Variants in ACTL8 observed in about 807,000 individuals in gnomAD.
ACTL8 encodes actin like 8, also known as actin-like protein 8.
In ACTL8, 3 loss-of-function variants were observed where a neutral mutation model predicts 9.3. The observed-to-expected ratio is 0.32, with a 90% confidence interval of 0.15 to 0.83. The LOEUF (loss-of-function observed/expected upper bound fraction) is 0.83. Among genes scored for constraint, ACTL8 ranks in the 40% least tolerant of loss-of-function variants. The pLI, the probability that ACTL8 is intolerant of heterozygous loss-of-function variation, is 0.57. For missense variants in ACTL8, 381 were observed against 492.2 expected (o/e 0.77, Z 2.14); for synonymous variants, 224 against 205.9 (o/e 1.09, Z -0.75).
intron 1 of ACTL8, among the ~76,000 whole-genome samples, chr1:17,800,012 T>C (rs1479049901): frequency 6.6e-6 from 1 of 152,234 alleles, no homozygotes; most frequent in Non-Finnish European, 1.5e-5. Context: ...CATCTCTTAA[T>C]GCCTCGGAGG....
At chr1:17,773,077 G>A (rs976517749) in intron 1 of ACTL8, among the ~76,000 whole-genome samples, 2 of 152,200 alleles carry the variant, frequency 1.3e-5, no homozygotes, top group Non-Finnish European at 2.9e-5. Flanking sequence ...GGACACTGTC[G>A]ACGTAATCCT....
At chr1:17,762,127 C>T (rs919978240) in intron 1 of ACTL8, among the ~76,000 whole-genome samples, 6 of 151,884 alleles carry the variant, frequency 4.0e-5, no homozygotes, top group African/African-American at 1.5e-4. Flanking sequence ...TGGGGAGAGC[C>T]GTGAGATGGT....
chr1:17,785,058 G>A (rs978828492), intron 1 of ACTL8, among the ~76,000 whole-genome samples: 4 of 151,086 alleles, frequency 2.6e-5, no homozygotes, highest in African/African-American at 9.8e-5. Flanking sequence ...TCACTATCAC[G>A]GGAACAGCAT....
chr1:17,826,630 C>G lies in ACTL8; in HGVS notation c.*111C>G. 3 of 1,154,632 alleles carry G rather than the reference C, an allele frequency of 2.6e-6. No homozygotes were observed. Among genetic ancestry groups the G allele is most frequent in the Admixed American group, 3.0e-5 (1 of 33,096 alleles). 71.5% of individuals were successfully genotyped at this position (1,154,632 alleles called of 1,614,324 possible). A position where few individuals can be genotyped will look rare whatever the true frequency, so the allele number is the denominator to read the frequency against. The stretch of plus-strand genomic sequence containing the variant: ...AATGAGGTGGGGTGGGGTGAGCTGG[C>G]TTTGGAATTCTAGGGGCATGAGGGT... On this transcript the variant is annotated 3_prime_UTR_variant, in exon 3 of 3. Coordinates refer to ENST00000375406, the MANE Select transcript of ACTL8 (RefSeq NM_030812.3). The surrounding 1 kb of genome is among the most constrained non-coding windows in gnomAD (Gnocchi z 4.5).
chr1:17,825,140 T>C (rs758667764), intron 2 of ACTL8, among the ~76,000 whole-genome samples: 1 of 152,128 alleles, frequency 6.6e-6, no homozygotes, highest in Non-Finnish European at 1.5e-5. Context: ...GCCCAGGGAC[T>C]CTGGCAAACC....
In ACTL8 at chr1:17,823,410, A is replaced by C; in HGVS notation, c.348+54A>C. ...CGGGAGCGGGAAACAGACTGACACT[A>C]TGTCTGGACTGATTGGGCACCAGGA... On this transcript the variant is annotated intron_variant, in intron 2 of 2. Transcript: ENST00000375406. The surrounding 1 kb of genome is among the most constrained non-coding windows in gnomAD (Gnocchi z 5.3). 6.7e-7 allele frequency: 1 copy of C among 1,484,270 alleles called. No individual in the cohort carries two copies. Among genetic ancestry groups the C allele is most frequent in the Admixed American group, 2.0e-5 (1 of 49,958 alleles). The allele number at this position is 1,484,270 out of a possible 1,614,324, so 91.9% of individuals were successfully genotyped here. A position where few individuals can be genotyped will look rare whatever the true frequency, so the allele number is the denominator to read the frequency against.
At chr1:17,806,908 A>T (rs1391209402) in intron 1 of ACTL8, among the ~76,000 whole-genome samples, 1 of 152,190 alleles carries the variant, frequency 6.6e-6, no homozygotes, top group Non-Finnish European at 1.5e-5. Flanking sequence ...GAAGCACGGG[A>T]TGCGTCCCAC....
In ACTL8 at chr1:17,825,976, G is replaced by C. The variant is rs1218245880; in HGVS notation, c.558G>C (p.Lys186Asn). The C allele has an allele frequency of 3.1e-6, 5 of 1,609,602 alleles. No homozygotes were observed. Among genetic ancestry groups the C allele is most frequent in the African/African-American group, 1.3e-5 (1 of 74,948 alleles). The change falls in exon 3 of 3, where the codon AAG becomes AAC. Residue 186 changes from lysine (K) to asparagine (N), a missense_variant. Transcript: ENST00000375406. ...AGGATCTCTCCGCCTATCTCCTCAA[G>C]AGTCTCTTTAAGGAAGATTGCGATA... ...AGQDLSAYLL[K>N]SLFKEDCDRR...
In ACTL8 at chr1:17,823,523, G is replaced by C. The variant is rs1040916748; in HGVS notation, c.348+167G>C. On this transcript the variant is annotated intron_variant, in intron 2 of 2. Transcript: ENST00000375406. The surrounding 1 kb of genome is among the most constrained non-coding windows in gnomAD (Gnocchi z 5.3). Reference sequence around the variant, plus strand: ...TTTGGGACTCCCAGGCAGGCAGATTGCTTGAGCCCAGGAGTTCAGGACCAG... The same window carrying C: ...TTTGGGACTCCCAGGCAGGCAGATTCCTTGAGCCCAGGAGTTCAGGACCAG... 1.2e-4 allele frequency among the ~76,000 whole-genome samples: 19 copies of C among 152,124 alleles called. No homozygotes were observed. The highest frequency in any genetic ancestry group is 2.5e-4 in the Non-Finnish European group (17 of 68,036).
chr1:17,790,420 A>G (rs2066230899), intron 1 of ACTL8, among the ~76,000 whole-genome samples: 1 of 152,234 alleles, frequency 6.6e-6, no homozygotes, highest in Non-Finnish European at 1.5e-5. Context: ...TAGGCAGACA[A>G]ACAGAAGGTG....
intron 1 of ACTL8, among the ~76,000 whole-genome samples, chr1:17,778,306 G>A (rs958209804): frequency 4.6e-5 from 7 of 152,090 alleles, no homozygotes; most frequent in African/African-American, 1.2e-4. Flanking sequence ...CACTGGCCCC[G>A]AGGGGCTGTA....
At chr1:17,783,729 T>G (rs2066174708) in intron 1 of ACTL8, among the ~76,000 whole-genome samples, 1 of 152,352 alleles carries the variant, frequency 6.6e-6, no homozygotes, top group Non-Finnish European at 1.5e-5. Context: ...ATGTTCACTT[T>G]CATTCTAAGG....
intron 1 of ACTL8, among the ~76,000 whole-genome samples, chr1:17,783,798 A>G (rs1393537900): frequency 6.6e-6 from 1 of 152,208 alleles, no homozygotes; most frequent in Non-Finnish European, 1.5e-5. Context: ...CAATTCTCAA[A>G]TGAGAAATAG....
At position 17,825,985 on chromosome 1, in the gene ACTL8, T is replaced by A; in HGVS notation, c.567T>A (p.Phe189Leu). Residue 189 changes from phenylalanine to leucine, a missense_variant, in exon 3 of 3, where the codon TTT becomes TTA. Physicochemically the swap from Phe to Leu is conservative, Grantham distance 22. This residue lies in a region of ACTL8 where 243 missense variants were observed against 276.2 expected (regional missense o/e 0.88). Coordinates refer to ENST00000375406, the MANE Select transcript of ACTL8 (RefSeq NM_030812.3). ...CCGCCTATCTCCTCAAGAGTCTCTT[T>A]AAGGAAGATTGCGATAGACGCTGCC... ...DLSAYLLKSL[F>L]KEDCDRRCLF... 6.2e-7 allele frequency: 1 copy of A among 1,609,090 alleles called. No individual in the cohort carries two copies. Among genetic ancestry groups the A allele is most frequent in the East Asian group, 2.2e-5 (1 of 44,868 alleles).
rs765972298 is a variant in ACTL8, at chr1:17,776,969, A to ATTTTTTTT, written c.-25+21494_-25+21501dup. 2.4e-4 allele frequency among the ~76,000 whole-genome samples: 12 copies of ATTTTTTTT among 50,548 alleles called. 2 individuals carry two copies. The highest frequency in any genetic ancestry group is 3.2e-4 in the Non-Finnish European group (9 of 28,242). The allele number at this position is 50,548 out of a possible 152,430, so 33.2% of individuals were successfully genotyped here. A position where few individuals can be genotyped will look rare whatever the true frequency, so the allele number is the denominator to read the frequency against. ...CATCCACCACCGTTCCTGGCTAATG[A>ATTTTTTTT]TTTTTTTTTTTTTTTTTTTTTTTTT... is the stretch of plus-strand genomic sequence containing the variant. On this transcript the variant is annotated intron_variant, in intron 1 of 2. Coordinates refer to ENST00000375406, the MANE Select transcript of ACTL8 (RefSeq NM_030812.3).
At position 17,826,691 on chromosome 1, in the gene ACTL8, A is replaced by G; in HGVS notation, c.*172A>G. 1.6e-6 allele frequency: 1 copy of G among 608,784 alleles called. No individual in the cohort carries two copies. Among genetic ancestry groups the G allele is most frequent in the Non-Finnish European group, 2.6e-6 (1 of 389,778 alleles). The allele number at this position is 608,784 out of a possible 1,614,324, so 37.7% of individuals were successfully genotyped here. On this transcript the variant is annotated 3_prime_UTR_variant, in exon 3 of 3. Transcript: ENST00000375406. The surrounding 1 kb of genome is among the most constrained non-coding windows in gnomAD (Gnocchi z 4.5). ...TTCTAAGGTTTTATCTTGTTGCAAGAGTGGGACCTACCCAAGGGGGAAGAC... is the reference window on the plus strand; with the variant it reads ...TTCTAAGGTTTTATCTTGTTGCAAGGGTGGGACCTACCCAAGGGGGAAGAC...
chr1:17,801,540 A>C (rs1224119954), intron 1 of ACTL8, among the ~76,000 whole-genome samples: 1 of 152,176 alleles, frequency 6.6e-6, no homozygotes, highest in Non-Finnish European at 1.5e-5. Flanking sequence ...GTATTCCATA[A>C]AATTTTTCTT....
At chr1:17,800,720 G>A (rs1451019454) in intron 1 of ACTL8, among the ~76,000 whole-genome samples, 4 of 148,002 alleles carry the variant, frequency 2.7e-5, no homozygotes, top group Admixed American at 1.4e-4. Context: ...TCAGCCTCCC[G>A]AGTAGCTAGG....
chr1:17,804,512 G>C (rs1488131280), intron 1 of ACTL8, among the ~76,000 whole-genome samples: 1 of 152,140 alleles, frequency 6.6e-6, no homozygotes, highest in East Asian at 1.9e-4. Flanking sequence ...GTGGACTGGG[G>C]AGGCAACGAG....
Sources: gnomAD v4.1 joint callset for allele counts (sites outside exome capture counted in the v4.1 genomes callset) on GRCh38, gnomAD v4.1.1 for gene constraint, gnomAD v4.1.1 regional missense constraint, Gnocchi (gnomAD v3.1) non-coding constraint, MANE v1.5 for transcripts, NCBI Gene and HGNC (gene_info 2026-07-23, HGNC 2026-07-21) for gene names.